The following NTN4 variants were observed in gnomAD, a reference collection of about 807,000 sequenced individuals.
NTN4 encodes the protein netrin-4.
NTN4 carries 32 observed loss-of-function variants against 73.6 expected under a neutral mutation model. The ratio of observed to expected loss-of-function variants is 0.44; its 90% CI spans 0.33 to 0.58. The LOEUF is 0.58. Among genes scored for constraint, NTN4 ranks in the 20% least tolerant of loss-of-function variants. The pLI is 0.04. For synonymous variants in NTN4, 258 were observed against 287.5 expected (o/e 0.90, Z 1.04); for missense variants, 654 against 798.3 (o/e 0.82, Z 2.18).
chr12:95,713,628 A>T (rs2078582660), intron 3 of NTN4, among the ~76,000 whole-genome samples: 1 of 152,220 alleles, frequency 6.6e-6, no homozygotes, highest in Admixed American at 6.5e-5. Flanking sequence ...GTACTGGCTA[A>T]GTTTTTAATA....
intron 5 of NTN4, among the ~76,000 whole-genome samples, chr12:95,698,069 T>G (rs576720999): frequency 1.3e-5 from 2 of 152,152 alleles, no homozygotes; most frequent in African/African-American, 2.4e-5. Flanking sequence ...GGGGTGTGCA[T>G]AGGTTATATG....
At chr12:95,709,553 T>TTG in intron 5 of NTN4, among the ~76,000 whole-genome samples, 1 of 146,528 alleles carries the variant, frequency 6.8e-6, no homozygotes, top group East Asian at 1.9e-4. Flanking sequence ...TTTTTTTTTT[T>TTG]GGAAAGGTTT....
chr12:95,672,827 T>C lies in NTN4; in HGVS notation c.1511-2681A>G, dbSNP rs2078243890. On this transcript the variant is annotated intron_variant, in intron 7 of 9. Transcript: ENST00000343702. ...TGGAATAAAGAAATAGTTCCCCAGA[T>C]CAAGGAAGGGAAATGGGTACTGATT... The C allele has an allele frequency of 5.9e-6, 8 of 1,361,128 alleles. No homozygotes were observed. The South Asian group carries it at 7.0e-5, about 12-fold the overall frequency. 84.3% of individuals were successfully genotyped at this position (1,361,128 alleles called of 1,614,324 possible). A position where few individuals can be genotyped will look rare whatever the true frequency, so the allele number is the denominator to read the frequency against.
chr12:95,692,884 A>G (rs530286289), intron 5 of NTN4, among the ~76,000 whole-genome samples: 2 of 152,328 alleles, frequency 1.3e-5, no homozygotes, highest in South Asian at 4.1e-4. Context: ...TGTGAAATTA[A>G]CTTCTTCAGC....
At chr12:95,689,551 C>A (rs555466908) in intron 5 of NTN4, among the ~76,000 whole-genome samples, 1 of 152,268 alleles carries the variant, frequency 6.6e-6, no homozygotes, top group Admixed American at 6.5e-5. Context: ...GCAATTCAAC[C>A]ATTTGGGGGG....
intron 2 of NTN4, among the ~76,000 whole-genome samples, chr12:95,748,990 C>G (rs1454453819): frequency 6.6e-6 from 1 of 152,212 alleles, no homozygotes; most frequent in Non-Finnish European, 1.5e-5. Context: ...TAACTGATGA[C>G]ATTCCACCAT....
At chr12:95,697,932 G>A (rs1267253193) in intron 5 of NTN4, among the ~76,000 whole-genome samples, 1 of 152,046 alleles carries the variant, frequency 6.6e-6, no homozygotes, top group East Asian at 1.9e-4. Flanking sequence ...AAATATTTGA[G>A]GAGAAACCCA....
intron 5 of NTN4, among the ~76,000 whole-genome samples, chr12:95,685,783 A>G (rs2078356286): frequency 6.6e-6 from 1 of 152,234 alleles, no homozygotes; most frequent in African/African-American, 2.4e-5. Flanking sequence ...AACTATCCTT[A>G]TGCAGTGGTA....
At chr12:95,693,686 A>G (rs566315066) in intron 5 of NTN4, among the ~76,000 whole-genome samples, 9 of 149,324 alleles carry the variant, frequency 6.0e-5, no homozygotes, top group African/African-American at 2.2e-4. Context: ...AGCCGAGATC[A>G]CGCCACTGCA....
intron 5 of NTN4, among the ~76,000 whole-genome samples, chr12:95,697,105 G>C (rs780803543): frequency 6.6e-6 from 1 of 151,634 alleles, no homozygotes; most frequent in Non-Finnish European, 1.5e-5. Context: ...AACCCAAGAG[G>C]TCAAGGCTGC....
intron 2 of NTN4, among the ~76,000 whole-genome samples, chr12:95,783,411 A>T (rs1433900841): frequency 6.6e-6 from 1 of 152,230 alleles, no homozygotes; most frequent in Non-Finnish European, 1.5e-5. Context: ...TAACAATGCT[A>T]TCTTTTATTC....
intron 4 of NTN4, 106 bp downstream of exon 4, chr12:95,713,106 G>A (rs1265007326): frequency 7.1e-7 from 1 of 1,398,906 alleles, no homozygotes; most frequent in East Asian, 2.4e-5. Context: ...AGGGTCTAGT[G>A]TTTGTCACCC....
upstream of NTN4, among the ~76,000 whole-genome samples, chr12:95,790,940 C>T (rs1266887060): frequency 2.1e-5 from 2 of 94,400 alleles, no homozygotes; most frequent in Admixed American, 1.4e-4. This position sits in a 1 kb window ranked among gnomAD's most constrained non-coding sequence, Gnocchi z 6.5. Context: ...GGGGGGGGGT[C>T]CCCCGCGCCC....
chr12:95,777,872 A>G (rs1452530343), intron 2 of NTN4, among the ~76,000 whole-genome samples: 1 of 151,758 alleles, frequency 6.6e-6, no homozygotes, highest in Non-Finnish European at 1.5e-5. Context: ...CATTCTTCTC[A>G]GCACCACATC....
At chr12:95,668,623 G>A (rs73220352) in intron 8 of NTN4, among the ~76,000 whole-genome samples, 2,454 of 152,232 alleles carry the variant, frequency 0.016, 25 homozygotes, top group Middle Eastern at 0.034. Context: ...TAAATACTTG[G>A]TTTCATAAAT....
At position 95,670,195 on chromosome 12, in the gene NTN4, AAG is replaced by A. The variant is rs1446238947; in HGVS notation, c.1511-51_1511-50del. The A allele has an allele frequency of 5.5e-6, 6 of 1,096,442 alleles. No homozygotes were observed. In the East Asian group the frequency reaches 1.4e-4, roughly 26 times the overall value. The allele number at this position is 1,096,442 out of a possible 1,614,324, so 67.9% of individuals were successfully genotyped here. ...GTGTTAGTTATTAGAAAAGCAAAGA[AAG>A]AAAAAATAAGAGATCAGCAAGTGTA... On this transcript the variant is annotated intron_variant, in intron 7 of 9. Transcript: ENST00000343702.
At chr12:95,666,071 A>G in intron 8 of NTN4, 91 bp from the exon 9 acceptor site, 1 of 969,564 alleles carries the variant, frequency 1.0e-6, no homozygotes, top group Non-Finnish European at 1.5e-6. Context: ...ATATAATGGA[A>G]AGGTGAATTG....
chr12:95,767,417 A>G (rs11830564), intron 2 of NTN4, among the ~76,000 whole-genome samples: 46,930 of 152,096 alleles, frequency 0.31, 8,035 homozygotes, highest in East Asian at 0.53. Context: ...GGCAAGGAAA[A>G]TAATATTTAA....
chr12:95,696,470 G>A (rs545414500), intron 5 of NTN4, among the ~76,000 whole-genome samples: 14 of 152,096 alleles, frequency 9.2e-5, no homozygotes, highest in South Asian at 8.3e-4. Context: ...CCTCACTGCC[G>A]TCACTATAGT....
Sources: gnomAD v4.1 joint callset for allele counts (sites outside exome capture counted in the v4.1 genomes callset) on GRCh38, gnomAD v4.1.1 for gene constraint, Gnocchi (gnomAD v3.1) non-coding constraint, MANE v1.5 for transcripts, NCBI Gene and HGNC (gene_info 2026-07-23, HGNC 2026-07-21) for gene names.